The following GFPT1 variants were observed in gnomAD, a reference collection of about 807,000 sequenced individuals.
The protein encoded by GFPT1 is glutamine--fructose-6-phosphate aminotransferase [isomerizing] 1.
GFPT1 carries 40 observed loss-of-function variants against 92.0 expected under a neutral mutation model. The ratio of observed to expected loss-of-function variants is 0.43; its 90% CI spans 0.34 to 0.57. The LOEUF (loss-of-function observed/expected upper bound fraction) is 0.57. Ranked by LOEUF, GFPT1 falls within the 20% of genes least tolerant of loss-of-function variation. The probability of loss-of-function intolerance (pLI) is 0.02; values close to 1 mark genes in which losing one functional copy is unlikely to be tolerated. For synonymous variants in GFPT1, 269 were observed against 280.6 expected (o/e 0.96, Z 0.41); for missense variants, 448 against 869.1 (o/e 0.52, Z 6.09).
chr2:69,380,046 C>T (rs1268376635), intron 1 of GFPT1, among the ~76,000 whole-genome samples: 1 of 151,710 alleles, frequency 6.6e-6, no homozygotes, highest in Admixed American at 6.6e-5. Flanking sequence ...ATCCTAAAAG[C>T]ACATATAAAG....
chr2:69,355,983 C>CTTTTTT (rs1157501841), intron 7 of GFPT1, among the ~76,000 whole-genome samples: 1 of 75,616 alleles, frequency 1.3e-5, no homozygotes, highest in Non-Finnish European at 2.3e-5. Flanking sequence ...TATTTGCTTT[C>CTTTTTT]TTTTTTTTTT....
chr2:69,374,774 A>C (rs1458369914), intron 1 of GFPT1, among the ~76,000 whole-genome samples: 1 of 152,252 alleles, frequency 6.6e-6, no homozygotes, highest in African/African-American at 2.4e-5. Context: ...AGCAACATAT[A>C]TAGGCCCTAA....
At chr2:69,359,747 A>G (rs936384820) in intron 4 of GFPT1, among the ~76,000 whole-genome samples, 1 of 152,232 alleles carries the variant, frequency 6.6e-6, no homozygotes, top group African/African-American at 2.4e-5. Context: ...TTTAAAGAGA[A>G]GTCCTTTCAA....
At position 69,321,685 on chromosome 2, in the gene GFPT1, G is replaced by A. The variant is rs1400613802; in HGVS notation, c.*4504C>T. ...CTAAAATTTCCACTTCTCAAGAAGT[G>A]TAATTTAAACAAATACCAAAAGCTT... On this transcript the variant is annotated 3_prime_UTR_variant, in exon 20 of 20. Coordinates refer to ENST00000357308, the MANE Select transcript of GFPT1 (RefSeq NM_001244710.2). The A allele has an allele frequency of 6.6e-6, 1 of 152,188 alleles. No homozygotes were observed. Among genetic ancestry groups the A allele is most frequent in the East Asian group, 1.9e-4 (1 of 5,194 alleles). 9.4% of individuals were successfully genotyped at this position (152,188 alleles called of 1,614,324 possible).
In GFPT1 at chr2:69,331,255, T is replaced by C. The variant is rs1670655546; in HGVS notation, c.1483-1457A>G. Among the ~76,000 whole-genome samples the C allele has an allele frequency of 2.6e-5, 4 of 152,344 alleles. No homozygotes were observed. In the South Asian group the frequency reaches 8.3e-4, roughly 32 times the overall value. On this transcript the variant is annotated intron_variant, in intron 15 of 19. Coordinates refer to ENST00000357308, the MANE Select transcript of GFPT1 (RefSeq NM_001244710.2). ...TTGAATCCTAAAGCTAAGCTTTTTTTTCATGTTTGTTGACCATTTATATTT... is the reference window on the plus strand; with the variant it reads ...TTGAATCCTAAAGCTAAGCTTTTTTCTCATGTTTGTTGACCATTTATATTT...
intron 13 of GFPT1, among the ~76,000 whole-genome samples, chr2:69,339,460 A>C (rs1297958809): frequency 6.6e-6 from 1 of 152,170 alleles, no homozygotes; most frequent in Non-Finnish European, 1.5e-5. Flanking sequence ...CATTTCAGTA[A>C]ATTTCCATTC....
rs573791118 is a variant in GFPT1 at position 69,325,938 on chromosome 2, T to C, written c.*251A>G. ...ACCCAGCATTCTTTAAAGAAAATAATAGCTAGAATCTTTCTGATACAGATT... is the reference window on the plus strand; with the variant it reads ...ACCCAGCATTCTTTAAAGAAAATAACAGCTAGAATCTTTCTGATACAGATT... On this transcript the variant is annotated 3_prime_UTR_variant, in exon 20 of 20. Transcript: ENST00000357308. 17 of 421,258 alleles carry C rather than the reference T, an allele frequency of 4.0e-5. No individual in the cohort carries two copies. The South Asian group carries it at 6.5e-4, about 16-fold the overall frequency. 26.1% of individuals were successfully genotyped at this position (421,258 alleles called of 1,614,324 possible). A position where few individuals can be genotyped will look rare whatever the true frequency, so the allele number is the denominator to read the frequency against.
intron 1 of GFPT1, among the ~76,000 whole-genome samples, chr2:69,384,693 C>CAAAAAAAAAAAAAAAAAAAAAAAAAAAA (rs71964630): frequency 9.4e-6 from 1 of 106,626 alleles, no homozygotes; most frequent in Non-Finnish European, 1.9e-5. Context: ...GGCCCCGTCA[C>CAAAAAAAAAAAAAAAAAAAAAAAAAAAA]AAAAAAAAAA....
chr2:69,351,265 A>C (rs1405616737), intron 9 of GFPT1, among the ~76,000 whole-genome samples: 1 of 151,990 alleles, frequency 6.6e-6, no homozygotes, highest in Non-Finnish European at 1.5e-5. Flanking sequence ...TCAAGACATT[A>C]ATATTAACTT....
intron 1 of GFPT1, among the ~76,000 whole-genome samples, chr2:69,378,876 T>C (rs2104697408): frequency 6.6e-6 from 1 of 152,346 alleles, no homozygotes; most frequent in African/African-American, 2.4e-5. Context: ...AATCAAAATC[T>C]ACCTACAATG....
intron 13 of GFPT1, among the ~76,000 whole-genome samples, chr2:69,340,749 T>C (rs1670929807): frequency 6.6e-6 from 1 of 152,190 alleles, no homozygotes; most frequent in African/African-American, 2.4e-5. Context: ...GGATTTCTAA[T>C]GTTTGTTTAC....
intron 1 of GFPT1, among the ~76,000 whole-genome samples, chr2:69,384,321 A>T (rs999708220): frequency 2.0e-5 from 3 of 152,168 alleles, no homozygotes; most frequent in African/African-American, 7.2e-5. Context: ...AAACATATCA[A>T]TTTTATCAGT....
rs1489231529 is a variant in GFPT1 at position 69,322,238 on chromosome 2, C to T, written c.*3951G>A. On this transcript the variant is annotated 3_prime_UTR_variant, in exon 20 of 20. Transcript: ENST00000357308. ...CATAAAATGAAAATATCACTCCCTT[C>T]AATTTCTTTGGCCTTCACAAATTCA... is the stretch of plus-strand genomic sequence containing the variant. 1 of 152,146 alleles carries T rather than the reference C, an allele frequency of 6.6e-6. No homozygotes were observed. Among genetic ancestry groups the T allele is most frequent in the Non-Finnish European group, 1.5e-5 (1 of 68,016 alleles). 9.4% of individuals were successfully genotyped at this position (152,146 alleles called of 1,614,324 possible).
chr2:69,330,548 C>G (rs1394365055), intron 15 of GFPT1, among the ~76,000 whole-genome samples: 2 of 142,350 alleles, frequency 1.4e-5, no homozygotes, highest in Non-Finnish European at 3.0e-5. Context: ...GCCTGTTCCT[C>G]AATCCCAGTT....
intron 15 of GFPT1, 25 bp downstream of exon 15, chr2:69,337,873 T>A (rs1268071654): frequency 6.3e-7 from 1 of 1,593,748 alleles, no homozygotes; most frequent in Admixed American, 1.7e-5. Context: ...TAAATAATCA[T>A]CAGAGAAATG....
rs1325640589 is a variant in GFPT1 at position 69,324,947 on chromosome 2, C to G, written c.*1242G>C. 4 of 152,264 alleles carry G rather than the reference C, an allele frequency of 2.6e-5. No individual in the cohort carries two copies. The East Asian group carries it at 7.7e-4, about 29-fold the overall frequency. The allele number at this position is 152,264 out of a possible 1,614,324, so 9.4% of individuals were successfully genotyped here. ...CTGACACTTACAAGCTGAACATACC[C>G]CAATATCACTTTATTTATATCTTCT... On this transcript the variant is annotated 3_prime_UTR_variant, in exon 20 of 20. Coordinates refer to ENST00000357308, the MANE Select transcript of GFPT1 (RefSeq NM_001244710.2).
At chr2:69,338,675 C>A (rs182100625) in intron 13 of GFPT1, 110 bp from the exon 14 acceptor site, 1 of 1,011,894 alleles carries the variant, frequency 9.9e-7, no homozygotes, top group South Asian at 1.4e-5. Flanking sequence ...AAAAATGACA[C>A]GTTAGAAAAT....
chr2:69,326,488 A>G lies in GFPT1; in HGVS notation c.2056-255T>C, dbSNP rs77610712. ...ACAGAAAGAGCTACTGTGGTCCTCT[A>G]CAGAAGTAGTAGCCCTCATAGGGGA... On this transcript the variant is annotated intron_variant, in intron 19 of 19. Coordinates refer to ENST00000357308, the MANE Select transcript of GFPT1 (RefSeq NM_001244710.2). 8.6e-4 allele frequency among the ~76,000 whole-genome samples: 131 copies of G among 152,326 alleles called. No individual in the cohort carries two copies. The East Asian group carries it at 0.022, about 25-fold the overall frequency.
chr2:69,354,168 C>G (rs1421997408), intron 9 of GFPT1, 91 bp downstream of exon 9: 1 of 834,038 alleles, frequency 1.2e-6, no homozygotes, highest in Non-Finnish European at 1.9e-6. Context: ...AGAGGCCCAG[C>G]ACATTCATTC....
Sources: gnomAD v4.1 joint callset for allele counts (sites outside exome capture counted in the v4.1 genomes callset) on GRCh38, gnomAD v4.1.1 for gene constraint, MANE v1.5 for transcripts, NCBI Gene and HGNC (gene_info 2026-07-23, HGNC 2026-07-21) for gene names.